SLC39A11: variants seen among roughly 807,000 people sequenced by gnomAD.
SLC39A11 encodes solute carrier family 39 member 11.
Under a neutral mutation model 36.1 loss-of-function variants are expected in SLC39A11, and 33 were observed. The observed-to-expected ratio is 0.91, with a 90% confidence interval of 0.69 to 1.22. SLC39A11 has a LOEUF of 1.22. Ranked by LOEUF, SLC39A11 falls within the 50% of genes most tolerant of loss-of-function variation. The pLI is 0.00. For synonymous variants in SLC39A11, 166 were observed against 170.3 expected (o/e 0.97, Z 0.20); for missense variants, 432 against 430.3 (o/e 1.00, Z -0.03).
At chr17:72,657,708 G>A (rs1217024329) in intron 7 of SLC39A11, among the ~76,000 whole-genome samples, 1 of 152,224 alleles carries the variant, frequency 6.6e-6, no homozygotes, top group African/African-American at 2.4e-5. Flanking sequence ...ACCCTCAGAA[G>A]TAGTCAGAAA....
chr17:73,054,463 G>A (rs895817304), intron 3 of SLC39A11, among the ~76,000 whole-genome samples: 2 of 152,100 alleles, frequency 1.3e-5, no homozygotes, highest in African/African-American at 4.8e-5. Context: ...TCTAGGCCCT[G>A]TAATAAGGAC....
chr17:72,939,583 G>C (rs1426046518), intron 5 of SLC39A11, among the ~76,000 whole-genome samples: 1 of 152,190 alleles, frequency 6.6e-6, no homozygotes, highest in Non-Finnish European at 1.5e-5. Context: ...TGAGACAAAG[G>C]ATACGGAGTT....
chr17:72,867,163 T>G (rs2080343449), intron 5 of SLC39A11, among the ~76,000 whole-genome samples: 2 of 152,132 alleles, frequency 1.3e-5, no homozygotes, highest in Admixed American at 1.3e-4. Flanking sequence ...AGATGCAGAT[T>G]AATTTTAAAC....
intron 5 of SLC39A11, among the ~76,000 whole-genome samples, chr17:72,885,396 C>T (rs1041084795): frequency 7.2e-5 from 11 of 152,140 alleles, no homozygotes; most frequent in East Asian, 1.9e-4. Flanking sequence ...CTGTAGGCTA[C>T]GGGCTCACCT....
At chr17:72,761,820 T>G (rs980956832) in intron 6 of SLC39A11, among the ~76,000 whole-genome samples, 6 of 152,174 alleles carry the variant, frequency 3.9e-5, no homozygotes, top group Non-Finnish European at 4.4e-5. Context: ...CATGCAATGC[T>G]CAGATCAACA....
Position 73,050,716 on chromosome 17 carries a change from C to T in SLC39A11, c.148-19002G>A, listed in dbSNP as rs992560215. ...TTGACCTCAAGTGATCCGCCCATCT[C>T]GGCCTCCCAAAGTGCTGGGATTACA... On this transcript the variant is annotated intron_variant, in intron 3 of 9. Coordinates refer to ENST00000255559, the MANE Select transcript of SLC39A11 (RefSeq NM_139177.4). 2.0e-5 allele frequency among the ~76,000 whole-genome samples: 3 copies of T among 152,120 alleles called. No homozygotes were observed. The South Asian group carries it at 6.2e-4, about 32-fold the overall frequency.
chr17:72,680,485 C>T (rs1567939309), intron 7 of SLC39A11, among the ~76,000 whole-genome samples: 3 of 152,162 alleles, frequency 2.0e-5, no homozygotes, highest in Admixed American at 6.5e-5. Context: ...CTCATGAGAT[C>T]TGATGGTTTT....
intron 6 of SLC39A11, among the ~76,000 whole-genome samples, chr17:72,809,205 C>T (rs866299170): frequency 9.2e-5 from 12 of 130,592 alleles, no homozygotes; most frequent in African/African-American, 3.2e-4. Flanking sequence ...TTCTTTCTCT[C>T]TCTCTCTCTC....
chr17:72,856,409 T>G (rs942724744), intron 5 of SLC39A11, among the ~76,000 whole-genome samples: 3 of 152,228 alleles, frequency 2.0e-5, no homozygotes, highest in Non-Finnish European at 2.9e-5. Context: ...TATGATTAGC[T>G]AATTATTTAC....
chr17:73,023,349 C>T (rs1333846932), intron 4 of SLC39A11, among the ~76,000 whole-genome samples: 10 of 152,124 alleles, frequency 6.6e-5, no homozygotes, highest in Admixed American at 5.9e-4. Flanking sequence ...AGAAAATCAA[C>T]GTTTTAAACT....
At chr17:73,015,748 A>G (rs2090767773) in intron 4 of SLC39A11, among the ~76,000 whole-genome samples, 1 of 152,084 alleles carries the variant, frequency 6.6e-6, no homozygotes, top group African/African-American at 2.4e-5. Flanking sequence ...ACGCCCAGCT[A>G]ATTTTTGTAT....
intron 5 of SLC39A11, among the ~76,000 whole-genome samples, chr17:72,935,345 G>A (rs2084677191): frequency 1.3e-5 from 2 of 152,144 alleles, no homozygotes; most frequent in African/African-American, 4.8e-5. Flanking sequence ...ACAGCTCAGA[G>A]GTCACCAGAG....
chr17:72,936,855 A>C lies in SLC39A11; in HGVS notation c.430+10897T>G, dbSNP rs570802174. On this transcript the variant is annotated intron_variant, in intron 5 of 9. Transcript: ENST00000255559. ...TAGATCCCTCACGTGTGCCGTTCAC[A>C]ACAGGGTTCTCGCTCCTGTGAGAAT... Among the ~76,000 whole-genome samples the C allele has an allele frequency of 2.9e-4, 44 of 152,306 alleles. 1 individual carries two copies. The highest frequency in any genetic ancestry group is 1.0e-3 in the African/African-American group (42 of 41,564).
chr17:72,788,041 T>C (rs1336828199), intron 6 of SLC39A11, among the ~76,000 whole-genome samples: 1 of 152,234 alleles, frequency 6.6e-6, no homozygotes, highest in Non-Finnish European at 1.5e-5. Context: ...ACATGTTTTA[T>C]TAACCACTGA....
intron 4 of SLC39A11, among the ~76,000 whole-genome samples, chr17:72,980,289 A>G (rs967601613): frequency 6.6e-6 from 1 of 152,122 alleles, no homozygotes; most frequent in African/African-American, 2.4e-5. Context: ...GAAATAGGAG[A>G]CCCCGTCTGT....
intron 7 of SLC39A11, among the ~76,000 whole-genome samples, chr17:72,710,081 CCT>C (rs2073053531): frequency 6.6e-6 from 1 of 152,094 alleles, no homozygotes; most frequent in South Asian, 2.1e-4. Flanking sequence ...TATTGCTTCC[CCT>C]GTCTCTCTTA....
chr17:72,683,478 T>G (rs1398108934), intron 7 of SLC39A11, among the ~76,000 whole-genome samples: 1 of 151,710 alleles, frequency 6.6e-6, no homozygotes, highest in Non-Finnish European at 1.5e-5. Flanking sequence ...TGGGACTACA[T>G]GCACACACCA....
intron 6 of SLC39A11, among the ~76,000 whole-genome samples, chr17:72,793,888 T>A (rs1365689746): frequency 6.6e-6 from 1 of 151,320 alleles, no homozygotes; most frequent in Non-Finnish European, 1.5e-5. Flanking sequence ...CCTGTATCCT[T>A]TCTCCCCCTT....
At chr17:72,719,692 G>A (rs1453204865) in intron 7 of SLC39A11, among the ~76,000 whole-genome samples, 1 of 152,230 alleles carries the variant, frequency 6.6e-6, no homozygotes, top group Non-Finnish European at 1.5e-5. Flanking sequence ...GCCATTTTCA[G>A]AGAGCTTGAC....
Sources: gnomAD v4.1 joint callset for allele counts (sites outside exome capture counted in the v4.1 genomes callset) on GRCh38, gnomAD v4.1.1 for gene constraint, MANE v1.5 for transcripts, NCBI Gene and HGNC (gene_info 2026-07-23, HGNC 2026-07-21) for gene names.